Variants in FAM184A observed in about 807,000 individuals in gnomAD.
FAM184A encodes protein FAM184A.
In FAM184A, 99 loss-of-function variants were observed where a neutral mutation model predicts 143.8. The ratio of observed to expected loss-of-function variants is 0.69; its 90% CI spans 0.58 to 0.81. FAM184A has a LOEUF of 0.81. Ranked by LOEUF, FAM184A falls within the 40% of genes least tolerant of loss-of-function variation. FAM184A has a pLI of 0.00. For missense variants in FAM184A, 1,217 were observed against 1,310.5 expected, an observed-to-expected ratio of 0.93 and a Z score of 1.10; for synonymous variants, 427 against 446.4, an observed-to-expected ratio of 0.96 and a Z score of 0.55.
At chr6:119,032,499 G>GAGAGGGA (rs1264176789) in intron 1 of FAM184A, among the ~76,000 whole-genome samples, 15 of 148,868 alleles carry the variant, frequency 1.0e-4, no homozygotes, top group African/African-American at 5.0e-5. Context: ...GGGGGAGAGG[G>GAGAGGGA]AGAGGGAAGA....
intron 16 of FAM184A, chr6:118,962,419 CA>C (rs1783361597): frequency 6.5e-6 from 1 of 153,310 alleles, no homozygotes; most frequent in African/African-American, 2.4e-5. Context: ...CAAAGGGAGG[CA>C]GTTCTTGCCT....
chr6:119,089,523 G>C (rs1407924142), intron 1 of FAM184A, among the ~76,000 whole-genome samples: 1 of 152,100 alleles, frequency 6.6e-6, no homozygotes, highest in Non-Finnish European at 1.5e-5. Context: ...GGCTGGTCCT[G>C]AACTCCTGGT....
intron 1 of FAM184A, among the ~76,000 whole-genome samples, chr6:119,105,229 G>A (rs1211262667): frequency 6.6e-6 from 1 of 152,120 alleles, no homozygotes; most frequent in Non-Finnish European, 1.5e-5. Flanking sequence ...GAATATATAG[G>A]AACTTTCTGT....
intron 1 of FAM184A, among the ~76,000 whole-genome samples, chr6:119,147,186 T>A (rs577445180): frequency 1.1e-4 from 17 of 151,864 alleles, no homozygotes; most frequent in Non-Finnish European, 1.9e-4. Flanking sequence ...CTCTTCCAAG[T>A]TCCTCATCCA....
chr6:119,122,959 A>G (rs1789264606), intron 1 of FAM184A, among the ~76,000 whole-genome samples: 1 of 125,298 alleles, frequency 8.0e-6, no homozygotes, highest in Non-Finnish European at 1.6e-5. Flanking sequence ...AAAAAAAAAA[A>G]AAAAAAAGGC....
chr6:119,058,283 A>G (rs1289256287), intron 1 of FAM184A, among the ~76,000 whole-genome samples: 5 of 149,086 alleles, frequency 3.4e-5, no homozygotes, highest in African/African-American at 1.2e-4. Context: ...TCCAGGGTTC[A>G]AGCAATTCTC....
At chr6:119,145,749 A>G (rs903406269) in intron 1 of FAM184A, among the ~76,000 whole-genome samples, 1 of 152,250 alleles carries the variant, frequency 6.6e-6, no homozygotes, top group Non-Finnish European at 1.5e-5. Context: ...CAAAAGGATA[A>G]TAGTAATCAT....
intron 1 of FAM184A, among the ~76,000 whole-genome samples, chr6:119,066,274 T>A (rs1374754483): frequency 6.6e-6 from 1 of 152,216 alleles, no homozygotes. Context: ...GGCCAAAATC[T>A]GAAGGCTCTT....
chr6:119,049,335 C>T (rs1252507244), intron 1 of FAM184A, among the ~76,000 whole-genome samples: 2 of 152,190 alleles, frequency 1.3e-5, no homozygotes, highest in African/African-American at 4.8e-5. Flanking sequence ...ATAGTCCCAG[C>T]TACTTGGGAG....
chr6:119,080,051 A>G (rs1788016294), upstream of FAM184A, among the ~76,000 whole-genome samples: 1 of 152,246 alleles, frequency 6.6e-6, no homozygotes, highest in Admixed American at 6.5e-5. Flanking sequence ...ATTTCATCAA[A>G]TTCTAGGCAT....
intron 1 of FAM184A, among the ~76,000 whole-genome samples, chr6:119,109,659 G>C (rs773346996): frequency 6.6e-6 from 1 of 152,186 alleles, no homozygotes; most frequent in Non-Finnish European, 1.5e-5. Context: ...AAAATCTGAC[G>C]AATTGAAGCT....
chr6:119,107,211 T>C (rs548022511), intron 1 of FAM184A, among the ~76,000 whole-genome samples: 2 of 152,310 alleles, frequency 1.3e-5, no homozygotes, highest in Admixed American at 1.3e-4. Flanking sequence ...AAACTTATGT[T>C]CATACACCTT....
chr6:119,114,652 C>T (rs1432739590), intron 1 of FAM184A, among the ~76,000 whole-genome samples: 3 of 152,162 alleles, frequency 2.0e-5, no homozygotes, highest in African/African-American at 7.2e-5. Flanking sequence ...AGTGATCCTC[C>T]TGCCTCAGCC....
At chr6:119,091,998 A>G (rs957865331) in intron 1 of FAM184A, among the ~76,000 whole-genome samples, 1 of 152,180 alleles carries the variant, frequency 6.6e-6, no homozygotes, top group African/African-American at 2.4e-5. Flanking sequence ...ACATCTACCC[A>G]AGGGGTAGCC....
At chr6:118,992,207 AG>A (rs1784402109) in intron 9 of FAM184A, among the ~76,000 whole-genome samples, 1 of 152,170 alleles carries the variant, frequency 6.6e-6, no homozygotes, top group African/African-American at 2.4e-5. Context: ...AGTGTTTACT[AG>A]GGAAGATGAA....
Position 119,058,474 on chromosome 6 carries a change from A to C in FAM184A, c.159+19667T>G, listed in dbSNP as rs1025384765. On this transcript the variant is annotated intron_variant, in intron 1 of 17. Coordinates refer to ENST00000338891, the MANE Select transcript of FAM184A (RefSeq NM_024581.6). ...CACCTTAGTCTCCCAAAATGATGGGATTACAGGTGTGAGCCACCGTGCCCA... is the reference window on the plus strand; with the variant it reads ...CACCTTAGTCTCCCAAAATGATGGGCTTACAGGTGTGAGCCACCGTGCCCA... 9.9e-5 allele frequency among the ~76,000 whole-genome samples: 15 copies of C among 152,002 alleles called. 1 individual carries two copies. Among genetic ancestry groups the C allele is most frequent in the Non-Finnish European group, 1.0e-4 (7 of 67,990 alleles).
intron 1 of FAM184A, among the ~76,000 whole-genome samples, chr6:119,123,873 T>C (rs1373496805): frequency 6.6e-6 from 1 of 152,260 alleles, no homozygotes; most frequent in Non-Finnish European, 1.5e-5. Context: ...CTCTCTACTC[T>C]ATTTTAAATT....
At chr6:118,999,489 T>A (rs1784683086) in intron 9 of FAM184A, among the ~76,000 whole-genome samples, 1 of 152,172 alleles carries the variant, frequency 6.6e-6, no homozygotes, top group African/African-American at 2.4e-5. Context: ...TTCCTCGTAA[T>A]GCCTGGGAAA....
chr6:119,125,019 A>G (rs926410014), intron 1 of FAM184A, among the ~76,000 whole-genome samples: 1 of 152,210 alleles, frequency 6.6e-6, no homozygotes, highest in African/African-American at 2.4e-5. Context: ...GCTAATTTTT[A>G]CTAACGCTTT....
Sources: allele counts gnomAD v4.1 joint callset (sites outside exome capture counted in the v4.1 genomes callset), GRCh38; gene constraint gnomAD v4.1.1; transcripts MANE v1.5; gene names NCBI Gene and HGNC (gene_info 2026-07-23, HGNC 2026-07-21).